The following MAP3K4 variants were observed in gnomAD, a reference collection of about 807,000 sequenced individuals.
The protein encoded by MAP3K4 is mitogen-activated protein kinase kinase kinase 4, also known as MAP three kinase 1.
Under a neutral mutation model 185.6 loss-of-function variants are expected in MAP3K4, and 67 were observed. That is an observed-to-expected ratio of 0.36 (90% confidence interval 0.30 to 0.44). The LOEUF (loss-of-function observed/expected upper bound fraction) is 0.44. Ranked by LOEUF, MAP3K4 falls within the 20% of genes least tolerant of loss-of-function variation. The pLI is 1.00. For missense variants in MAP3K4, 1,551 were observed against 1,995.1 expected (o/e 0.78, Z 4.24); for synonymous variants, 702 against 710.4 (o/e 0.99, Z 0.19).
chr6:161,104,703 C>T (rs1246316189), intron 19 of MAP3K4, among the ~76,000 whole-genome samples: 1 of 83,526 alleles, frequency 1.2e-5, no homozygotes, highest in African/African-American at 4.4e-5. Context: ...GAGGGAGACT[C>T]CATCTCAAAA....
Position 161,107,048 on chromosome 6 carries a change from G to GCACACACA in MAP3K4, c.4048+344_4048+345insACACACAC, listed in dbSNP as rs1168768049. Among the ~76,000 whole-genome samples, 2,518 of 141,056 alleles carry GCACACACA rather than the reference G, an allele frequency of 0.018. 92 individuals are homozygous for GCACACACA. The highest frequency in any genetic ancestry group is 0.061 in the African/African-American group (2,390 of 39,280). The allele number at this position is 141,056 out of a possible 152,430, so 92.5% of individuals were successfully genotyped here. On this transcript the variant is annotated intron_variant, in intron 20 of 26. Coordinates refer to ENST00000392142, the MANE Select transcript of MAP3K4 (RefSeq NM_005922.4). This position sits in a 1 kb window ranked among gnomAD's most constrained non-coding sequence, Gnocchi z 6.2. ...TCTCTCTCTCTCTCTACACACGCGCGCGCACACACACACACACACACACAC... is the reference window on the plus strand; with the variant it reads ...TCTCTCTCTCTCTCTACACACGCGCGCACACACACGCACACACACACACACACACACAC...
At chr6:161,050,221 T>G (rs1783939520) in intron 3 of MAP3K4, among the ~76,000 whole-genome samples, 5 of 152,024 alleles carry the variant, frequency 3.3e-5, no homozygotes, top group Admixed American at 3.3e-4. Context: ...ACCACGTAAA[T>G]ACAGGATGGC....
rs1001240957 is a variant in MAP3K4, at chr6:161,080,796, C to A, written c.2098-85C>A. The A allele has an allele frequency of 3.1e-6, 4 of 1,281,264 alleles. No homozygotes were observed. Among genetic ancestry groups the A allele is most frequent in the African/African-American group, 1.5e-5 (1 of 67,280 alleles). 79.4% of individuals were successfully genotyped at this position (1,281,264 alleles called of 1,614,324 possible). A position where few individuals can be genotyped will look rare whatever the true frequency, so the allele number is the denominator to read the frequency against. On this transcript the variant is annotated intron_variant, in intron 5 of 26. Transcript: ENST00000392142. The surrounding 1 kb of genome is among the most constrained non-coding windows in gnomAD (Gnocchi z 4.8). ...AGCCCCCGGCCCGCCCCCACTTTACCCTGCTGATGTGTAGCTTTCAGGTGA... is the reference window on the plus strand; with the variant it reads ...AGCCCCCGGCCCGCCCCCACTTTACACTGCTGATGTGTAGCTTTCAGGTGA...
chr6:161,107,562 C>G lies in MAP3K4; in HGVS notation c.4049-337C>G, dbSNP rs1778140570. On this transcript the variant is annotated intron_variant, in intron 20 of 26. Transcript: ENST00000392142. This position sits in a 1 kb window ranked among gnomAD's most constrained non-coding sequence, Gnocchi z 6.2. ...GGCTGTTTTCTGCTGCTCCCAGCCCCAGCCAAGATCTCCTTGAGGGGTGTG... is the reference window on the plus strand; with the variant it reads ...GGCTGTTTTCTGCTGCTCCCAGCCCGAGCCAAGATCTCCTTGAGGGGTGTG... Among the ~76,000 whole-genome samples, 1 of 152,162 alleles carries G rather than the reference C, an allele frequency of 6.6e-6. No homozygotes were observed. The highest frequency in any genetic ancestry group is 1.5e-5 in the Non-Finnish European group (1 of 68,038).
At chr6:161,090,403 C>T (rs1359052189) in intron 11 of MAP3K4, among the ~76,000 whole-genome samples, 4 of 151,406 alleles carry the variant, frequency 2.6e-5, no homozygotes, top group Non-Finnish European at 4.4e-5. Flanking sequence ...CGTTTGGGCC[C>T]GTAACTCTTG....
intron 25 of MAP3K4, among the ~76,000 whole-genome samples, chr6:161,113,759 T>C: frequency 6.9e-6 from 1 of 144,890 alleles, no homozygotes; most frequent in African/African-American, 2.6e-5. Flanking sequence ...TAAATTGAAA[T>C]CATTTTTTTT....
In MAP3K4 at chr6:161,097,365, C is replaced by T. The variant is rs776624236; in HGVS notation, c.3524+189C>T. 3.7e-4 allele frequency among the ~76,000 whole-genome samples: 56 copies of T among 152,342 alleles called. No individual in the cohort carries two copies. Among genetic ancestry groups the T allele is most frequent in the Non-Finnish European group, 7.3e-4 (50 of 68,036 alleles). ...AAGAAAAAGACATGCAAATTTAAAA[C>T]AGACCTGTGCCTTTCAAGATAACTT... On this transcript the variant is annotated intron_variant, in intron 16 of 26. Transcript: ENST00000392142. This position sits in a 1 kb window ranked among gnomAD's most constrained non-coding sequence, Gnocchi z 4.9.
At chr6:161,012,478 A>G (rs1240595753) in intron 1 of MAP3K4, among the ~76,000 whole-genome samples, 1 of 152,234 alleles carries the variant, frequency 6.6e-6, no homozygotes, top group Admixed American at 6.5e-5. Flanking sequence ...ATTATAATTC[A>G]TGGTCTGGTG....
intron 2 of MAP3K4, among the ~76,000 whole-genome samples, chr6:161,044,859 A>G (rs1376035070): frequency 2.0e-5 from 3 of 152,198 alleles, no homozygotes; most frequent in Non-Finnish European, 4.4e-5. Context: ...GAGCTCTCAC[A>G]TGAACTAATA....
intron 1 of MAP3K4, among the ~76,000 whole-genome samples, chr6:160,992,502 A>G (rs1042934465): frequency 6.6e-6 from 1 of 152,096 alleles, no homozygotes. Context: ...AGACATTCGG[A>G]AATCGAGTGC....
chr6:161,029,506 A>G (rs1782823594), intron 1 of MAP3K4, among the ~76,000 whole-genome samples: 1 of 152,234 alleles, frequency 6.6e-6, no homozygotes, highest in Admixed American at 6.5e-5. Context: ...CTGTAGTGTA[A>G]TAATAGTACT....
Position 161,041,912 on chromosome 6 carries a change from C to CTTTTTTTTTTTTTTTT in MAP3K4, c.344-6691_344-6690insTTTTTTTTTTTTTTTT, listed in dbSNP as rs1184107037. On this transcript the variant is annotated intron_variant, in intron 2 of 26. Transcript: ENST00000392142. ...GGGTAAAGGCCTTGAGTTATTGTTT[C>CTTTTTTTTTTTTTTTT]TTTTTTTTTTTTTCTTTTTTTTTTT... 2.7e-4 allele frequency among the ~76,000 whole-genome samples: 17 copies of CTTTTTTTTTTTTTTTT among 64,044 alleles called. 1 individual carries two copies. Among genetic ancestry groups the CTTTTTTTTTTTTTTTT allele is most frequent in the African/African-American group, 1.0e-3 (16 of 15,872 alleles). 42.0% of individuals were successfully genotyped at this position (64,044 alleles called of 152,430 possible).
chr6:161,097,088 C>T lies in MAP3K4; in HGVS notation c.3436C>T (p.Arg1146Trp), dbSNP rs1777605652. Reference protein sequence around the residue: ...PVTGLYLAIHRNSPRPMKVPR... With the variant: ...PVTGLYLAIHWNSPRPMKVPR... ...GCCATTTTTGCTGGCAGCCATTCAT[C>T]GGAACAGCCCCCGTCCTATGAAGGT... The change falls in exon 16 of 27, where the codon CGG (arginine) becomes TGG (tryptophan). Residue 1146 changes from arginine (R) to tryptophan (W), a missense_variant. Around this residue, in one of 16 missense-constraint regions of MAP3K4, gnomAD observed 272 missense variants for 301.2 expected, o/e 0.90. Coordinates refer to ENST00000392142, the MANE Select transcript of MAP3K4 (RefSeq NM_005922.4). The surrounding 1 kb of genome is among the most constrained non-coding windows in gnomAD (Gnocchi z 4.9). 2.5e-6 allele frequency: 4 copies of T among 1,613,522 alleles called. No individual in the cohort carries two copies. The highest frequency in any genetic ancestry group is 3.4e-6 in the Non-Finnish European group (4 of 1,179,696).
At chr6:161,055,721 G>C (rs1784203025) in intron 3 of MAP3K4, among the ~76,000 whole-genome samples, 1 of 152,194 alleles carries the variant, frequency 6.6e-6, no homozygotes. Flanking sequence ...GCTTGGGAAT[G>C]GATGCCACAG....
At chr6:161,057,314 C>G (rs1362587169) in intron 3 of MAP3K4, among the ~76,000 whole-genome samples, 1 of 152,196 alleles carries the variant, frequency 6.6e-6, no homozygotes, top group South Asian at 2.1e-4. Context: ...TATTGACTCT[C>G]ACAGTGTTCC....
intron 1 of MAP3K4, among the ~76,000 whole-genome samples, chr6:161,021,409 G>A (rs531002651): frequency 9.2e-5 from 14 of 152,304 alleles, no homozygotes; most frequent in South Asian, 6.2e-4. Flanking sequence ...GATGAGCCCT[G>A]CTCTCTCCTG....
rs1235016788 is a variant in MAP3K4 at position 161,056,852 on chromosome 6, T to C, written c.1707+6873T>C. Among the ~76,000 whole-genome samples, 3 of 152,198 alleles carry C rather than the reference T, an allele frequency of 2.0e-5. No homozygotes were observed. Among genetic ancestry groups the C allele is most frequent in the Non-Finnish European group, 4.4e-5 (3 of 68,030 alleles). On this transcript the variant is annotated intron_variant, in intron 3 of 26. Transcript: ENST00000392142. This position sits in a 1 kb window ranked among gnomAD's most constrained non-coding sequence, Gnocchi z 5.4. ...ATCCTGGGATCCTCCAAAATCCTGA[T>C]TGACTTTTTAAAATGTGCATACTCT...
chr6:161,059,473 T>C (rs1238257685), intron 3 of MAP3K4, among the ~76,000 whole-genome samples: 1 of 152,226 alleles, frequency 6.6e-6, no homozygotes, highest in African/African-American at 2.4e-5. Context: ...ACACTGAGCC[T>C]GTTTTTCATG....
In MAP3K4 at chr6:161,049,015, G is replaced by T; in HGVS notation, c.743G>T (p.Gly248Val). 6.2e-7 allele frequency: 1 copy of T among 1,614,100 alleles called. No individual in the cohort carries two copies. Among genetic ancestry groups the T allele is most frequent in the South Asian group, 1.1e-5 (1 of 91,070 alleles). The change falls in exon 3 of 27, where the codon GGA becomes GTA. Residue 248 changes from glycine to valine, a missense_variant. This residue lies in a region of MAP3K4 where 69 missense variants were observed against 124.8 expected (regional missense o/e 0.55). Transcript: ENST00000392142. This position sits in a 1 kb window ranked among gnomAD's most constrained non-coding sequence, Gnocchi z 8.4. ...AAGAAAAAAGACAGGGAGCAAAGAG[G>T]ACAAGAAAATACGTCTGGTTTCTGG... ...VSKKKDREQR[G>V]QENTSGFWLN...
Sources: gnomAD v4.1 joint callset for allele counts (sites outside exome capture counted in the v4.1 genomes callset) on GRCh38, gnomAD v4.1.1 for gene constraint, gnomAD v4.1.1 regional missense constraint, Gnocchi (gnomAD v3.1) non-coding constraint, MANE v1.5 for transcripts, NCBI Gene and HGNC (gene_info 2026-07-23, HGNC 2026-07-21) for gene names.